Variants in MICU2 observed in about 807,000 individuals in gnomAD.
MICU2 encodes mitochondrial calcium uptake 2.
MICU2 carries 64 observed loss-of-function variants against 60.4 expected under a neutral mutation model. The ratio of observed to expected loss-of-function variants is 1.06; its 90% CI spans 0.87 to 1.31. The LOEUF is 1.31. Ranked by LOEUF, MICU2 falls within the 50% of genes most tolerant of loss-of-function variation. The pLI is 0.00. For synonymous variants in MICU2, 201 were observed against 175.0 expected (o/e 1.15, Z -1.17); for missense variants, 569 against 531.0 (o/e 1.07, Z -0.70).
rs762284789 is a variant in MICU2 at position 21,604,001 on chromosome 13, C to G, written c.148G>C (p.Ala50Pro). 1 of 1,611,330 alleles carries G rather than the reference C, an allele frequency of 6.2e-7. No individual in the cohort carries two copies. The highest frequency in any genetic ancestry group is 8.5e-7 in the Non-Finnish European group (1 of 1,179,440). ...ACACTGACGCGGCTGTGGTGCCAGG[C>G]CGCTCCTGCTCCTGCCAGGGCCGCG... ...AGAALAGAGA[A>P]WHHSRVSVAA... Residue 50 changes from alanine (A) to proline (P), a missense_variant, in exon 1 of 12, where the codon GCC (alanine) becomes CCC (proline). Physicochemically the swap from Ala to Pro is conservative, Grantham distance 27. Coordinates refer to ENST00000382374, the MANE Select transcript of MICU2 (RefSeq NM_152726.3).
At chr13:21,530,639 C>G (rs1047050299) in intron 4 of MICU2, 4 of 300,694 alleles carry the variant, frequency 1.3e-5, no homozygotes, top group Non-Finnish European at 2.5e-5. Context: ...TCTACTATGT[C>G]TCTCTCTCTG....
At chr13:21,539,745 G>A in intron 2 of MICU2, 57 bp from the exon 3 acceptor site, 1 of 1,460,504 alleles carries the variant, frequency 6.8e-7, no homozygotes. Flanking sequence ...AACTCAACTT[G>A]CACTAAGAAA....
chr13:21,551,584 C>A (rs1887566080), intron 2 of MICU2, among the ~76,000 whole-genome samples: 1 of 104,226 alleles, frequency 9.6e-6, no homozygotes, highest in Non-Finnish European at 1.8e-5. Context: ...CTATCCCTCC[C>A]CCCTCCCCCC....
chr13:21,499,712 G>A (rs1456248273), intron 9 of MICU2, among the ~76,000 whole-genome samples: 1 of 151,788 alleles, frequency 6.6e-6, no homozygotes, highest in Non-Finnish European at 1.5e-5. Flanking sequence ...GCCCAGCTGG[G>A]TCTCACGTTT....
At chr13:21,546,424 G>T (rs1887420806) in intron 2 of MICU2, among the ~76,000 whole-genome samples, 1 of 152,054 alleles carries the variant, frequency 6.6e-6, no homozygotes, top group African/African-American at 2.4e-5. Context: ...TATAACATGG[G>T]GGAGGGAGAG....
At position 21,551,469 on chromosome 13, in the gene MICU2, G is replaced by C. The variant is rs1357708884; in HGVS notation, c.359-11781C>G. The C allele has an allele frequency of 2.6e-5, 4 of 151,366 alleles. No homozygotes were observed. The East Asian group carries it at 5.8e-4, about 22-fold the overall frequency. The allele number at this position is 151,366 out of a possible 1,614,324, so 9.4% of individuals were successfully genotyped here. On this transcript the variant is annotated intron_variant, in intron 2 of 11. Transcript: ENST00000382374. ...ATTATTTTTATACTTTAAGTTTTAG[G>C]GTACATGTGCACAATGTGCAGGTTA...
At chr13:21,572,274 A>G (rs12430739) in intron 1 of MICU2, among the ~76,000 whole-genome samples, 1 of 152,090 alleles carries the variant, frequency 6.6e-6, no homozygotes, top group Non-Finnish European at 1.5e-5. Flanking sequence ...GAAAAACATA[A>G]GCTACAAACG....
At chr13:21,502,891 T>A in intron 9 of MICU2, 35 bp downstream of exon 9, 1 of 1,558,374 alleles carries the variant, frequency 6.4e-7, no homozygotes, top group South Asian at 1.2e-5. Context: ...TATTATTTCA[T>A]CTTTATCACA....
At chr13:21,521,137 T>A in intron 6 of MICU2, 108 bp downstream of exon 6, 3 of 884,842 alleles carry the variant, frequency 3.4e-6, no homozygotes, top group Admixed American at 2.9e-5. Flanking sequence ...TTCCTGATAG[T>A]TCATATGTAA....
chr13:21,602,244 C>T (rs755190012), intron 1 of MICU2, among the ~76,000 whole-genome samples: 8 of 151,864 alleles, frequency 5.3e-5, no homozygotes, highest in Non-Finnish European at 1.0e-4. Flanking sequence ...ATGAATCGGC[C>T]GGGCGCAGTG....
intron 1 of MICU2, among the ~76,000 whole-genome samples, chr13:21,596,740 A>G (rs576186222): frequency 1.3e-5 from 2 of 152,120 alleles, no homozygotes; most frequent in African/African-American, 2.4e-5. Context: ...TCAGGTTCTC[A>G]TAGGGCTTAC....
At chr13:21,523,137 C>T (rs564522308) in intron 4 of MICU2, among the ~76,000 whole-genome samples, 1 of 152,166 alleles carries the variant, frequency 6.6e-6, no homozygotes, top group South Asian at 2.1e-4. Context: ...CATTGACTCC[C>T]CTGGTTCTCA....
chr13:21,494,578 G>A (rs1259257428), intron 11 of MICU2, among the ~76,000 whole-genome samples: 1 of 152,114 alleles, frequency 6.6e-6, no homozygotes, highest in African/African-American at 2.4e-5. Flanking sequence ...AAGAATCTGA[G>A]ACTAAAAAAA....
chr13:21,549,075 G>A (rs930381482), intron 2 of MICU2, among the ~76,000 whole-genome samples: 21 of 151,808 alleles, frequency 1.4e-4, no homozygotes, highest in East Asian at 1.4e-3. Flanking sequence ...ACAGGCGCCC[G>A]CCACCACACC....
intron 1 of MICU2, chr13:21,582,828 CA>C (rs754984232): frequency 3.4e-4 from 53 of 155,114 alleles, no homozygotes; most frequent in Non-Finnish European, 6.3e-4. Context: ...CCACGTGCAT[CA>C]GGGGTAAGAA....
At chr13:21,567,762 A>G (rs1310228137) in intron 1 of MICU2, among the ~76,000 whole-genome samples, 1 of 152,230 alleles carries the variant, frequency 6.6e-6, no homozygotes, top group Non-Finnish European at 1.5e-5. Context: ...CTAATCAAGT[A>G]TTCACATAGA....
chr13:21,595,650 T>A (rs2798261), intron 1 of MICU2, among the ~76,000 whole-genome samples: 148,532 of 152,344 alleles, frequency 0.97, 72,503 homozygotes, highest in Middle Eastern at 1. Flanking sequence ...AATACTGTAC[T>A]CTAGTTCCAG....
intron 4 of MICU2, among the ~76,000 whole-genome samples, chr13:21,531,778 T>C (rs1887007145): frequency 6.6e-6 from 1 of 152,216 alleles, no homozygotes; most frequent in Non-Finnish European, 1.5e-5. Flanking sequence ...GCTATCACTG[T>C]AGCCAACTAA....
At position 21,506,027 on chromosome 13, in the gene MICU2, C is replaced by CT. The variant is rs1158304652; in HGVS notation, c.762-2931dup. ...TTTCATTCTTCATGCCCAGACTCCA[C>CT]TTTTTTTTTTTTTTGAAGACAGGGT... is the stretch of plus-strand genomic sequence containing the variant. On this transcript the variant is annotated intron_variant, in intron 8 of 11. Coordinates refer to ENST00000382374, the MANE Select transcript of MICU2 (RefSeq NM_152726.3). 6.0e-3 allele frequency among the ~76,000 whole-genome samples: 872 copies of CT among 144,458 alleles called. 1 individual carries two copies. Among genetic ancestry groups the CT allele is most frequent in the East Asian group, 0.017 (83 of 5,014 alleles). The allele number at this position is 144,458 out of a possible 152,430, so 94.8% of individuals were successfully genotyped here.
Sources: gnomAD v4.1 joint callset for allele counts (sites outside exome capture counted in the v4.1 genomes callset) on GRCh38, gnomAD v4.1.1 for gene constraint, MANE v1.5 for transcripts, NCBI Gene and HGNC (gene_info 2026-07-23, HGNC 2026-07-21) for gene names.